The following CES5A variants were observed in gnomAD, a reference collection of about 807,000 sequenced individuals.
CES5A encodes carboxylesterase 5.
CES5A carries 67 observed loss-of-function variants against 62.9 expected under a neutral mutation model. The observed-to-expected ratio is 1.07, with a 90% CI of 0.88 to 1.31. The LOEUF (loss-of-function observed/expected upper bound fraction) is 1.31. CES5A is among the 50% of genes most tolerant of loss of function. The probability of loss-of-function intolerance (pLI) is 0.00; values close to 1 mark genes in which losing one functional copy is unlikely to be tolerated. For synonymous variants in CES5A, 296 were observed against 280.8 expected, an observed-to-expected ratio of 1.05 and a Z score of -0.54; for missense variants, 748 against 708.5, an observed-to-expected ratio of 1.06 and a Z score of -0.63.
At chr16:55,872,725 G>A (rs1242185039) in intron 2 of CES5A, among the ~76,000 whole-genome samples, 1 of 152,136 alleles carries the variant, frequency 6.6e-6, no homozygotes, top group Admixed American at 6.6e-5. Flanking sequence ...TTTCAGCAAA[G>A]CCGTCTCTGA....
At chr16:55,871,107 C>T (rs1208352148) in intron 3 of CES5A, among the ~76,000 whole-genome samples, 3 of 152,200 alleles carry the variant, frequency 2.0e-5, no homozygotes, top group Admixed American at 2.0e-4. Context: ...TGATACAAGA[C>T]AGCCAGTTTC....
chr16:55,895,371 C>T (rs531442417), intron 1 of CES5A, among the ~76,000 whole-genome samples: 6 of 152,322 alleles, frequency 3.9e-5, no homozygotes, highest in South Asian at 2.1e-4. Context: ...AGCAAATCCA[C>T]GGGGGGCAGT....
At chr16:55,905,696 C>T (rs1480684318) in intron 1 of CES5A, among the ~76,000 whole-genome samples, 1 of 152,092 alleles carries the variant, frequency 6.6e-6, no homozygotes, top group Non-Finnish European at 1.5e-5. Context: ...TCCTCCCACG[C>T]CCAGAGCAAG....
chr16:55,851,573 A>G (rs2033134111), intron 10 of CES5A, among the ~76,000 whole-genome samples: 1 of 152,230 alleles, frequency 6.6e-6, no homozygotes, highest in African/African-American at 2.4e-5. Context: ...GTGCAGACAC[A>G]GTGGAGAACA....
At chr16:55,900,914 C>T (rs1305604812) in intron 1 of CES5A, among the ~76,000 whole-genome samples, 2 of 152,158 alleles carry the variant, frequency 1.3e-5, no homozygotes, top group Non-Finnish European at 1.5e-5. Flanking sequence ...CATCCCACAT[C>T]CTCACTGTGT....
At chr16:55,898,947 A>T (rs989428098) in intron 1 of CES5A, among the ~76,000 whole-genome samples, 1 of 152,198 alleles carries the variant, frequency 6.6e-6, no homozygotes, top group East Asian at 1.9e-4. Flanking sequence ...TACATTCTGT[A>T]GATGAGGAAG....
At chr16:55,895,652 G>A (rs1411119069) in intron 1 of CES5A, among the ~76,000 whole-genome samples, 2 of 152,186 alleles carry the variant, frequency 1.3e-5, no homozygotes, top group East Asian at 1.9e-4. Context: ...CAAGCTCATA[G>A]CTGGACTTTG....
chr16:55,897,067 C>A (rs985031611), intron 1 of CES5A, among the ~76,000 whole-genome samples: 1 of 152,034 alleles, frequency 6.6e-6, no homozygotes, highest in Non-Finnish European at 1.5e-5. Context: ...CGCATCCCCC[C>A]CATCCTCTAC....
chr16:55,932,647 G>C (rs1348660010), intron 2 of CES5A, among the ~76,000 whole-genome samples: 4 of 152,174 alleles, frequency 2.6e-5, no homozygotes, highest in Admixed American at 2.0e-4. Context: ...CTGAAGGATA[G>C]GAAGGAGCCA....
At chr16:55,888,690 T>C (rs924412147) in intron 1 of CES5A, among the ~76,000 whole-genome samples, 1 of 152,244 alleles carries the variant, frequency 6.6e-6, no homozygotes, top group African/African-American at 2.4e-5. Flanking sequence ...TGTCAGTCAC[T>C]GTGCTAAGCA....
At chr16:55,936,238 C>T (rs1449388428) in intron 2 of CES5A, among the ~76,000 whole-genome samples, 1 of 152,166 alleles carries the variant, frequency 6.6e-6, no homozygotes, top group Non-Finnish European at 1.5e-5. Flanking sequence ...ACTTTCCATG[C>T]CTCAAAGAAT....
At chr16:55,898,797 G>A (rs181370322) in intron 1 of CES5A, among the ~76,000 whole-genome samples, 39 of 152,248 alleles carry the variant, frequency 2.6e-4, no homozygotes, top group Middle Eastern at 3.4e-3. Context: ...GGAAGACCAG[G>A]GCATGGTGGT....
At chr16:55,899,550 G>C (rs918289795) in intron 1 of CES5A, among the ~76,000 whole-genome samples, 2 of 152,224 alleles carry the variant, frequency 1.3e-5, no homozygotes, top group African/African-American at 4.8e-5. Context: ...TTCATCAGAA[G>C]AGCCTCTGGT....
chr16:55,926,603 C>T (rs1273675123), upstream of CES5A, among the ~76,000 whole-genome samples: 1 of 152,028 alleles, frequency 6.6e-6, no homozygotes, highest in Non-Finnish European at 1.5e-5. Flanking sequence ...AGGTGAATGC[C>T]TAATGGTTTC....
upstream of CES5A, among the ~76,000 whole-genome samples, chr16:55,879,213 G>A (rs1191939848): frequency 7.4e-6 from 1 of 136,040 alleles, no homozygotes; most frequent in Admixed American, 7.4e-5. Flanking sequence ...GTCCATTGCT[G>A]CACTCCATCA....
At chr16:55,936,112 T>C (rs1413250562) in intron 2 of CES5A, among the ~76,000 whole-genome samples, 2 of 152,138 alleles carry the variant, frequency 1.3e-5, no homozygotes, top group African/African-American at 4.8e-5. Flanking sequence ...GCTTCAACTC[T>C]CACTCCTCCT....
intron 1 of CES5A, among the ~76,000 whole-genome samples, chr16:55,891,005 C>T (rs188892089): frequency 2.0e-5 from 3 of 152,142 alleles, no homozygotes; most frequent in Admixed American, 2.0e-4. Flanking sequence ...ATTCCGATTA[C>T]CTGCTCCACC....
chr16:55,910,284 A>G (rs1396177964), intron 1 of CES5A, among the ~76,000 whole-genome samples: 1 of 152,174 alleles, frequency 6.6e-6, no homozygotes, highest in Non-Finnish European at 1.5e-5. Flanking sequence ...AAGCCAAGGT[A>G]GCTGCTTACC....
intron 1 of CES5A, among the ~76,000 whole-genome samples, chr16:55,897,999 A>C (rs1276437368): frequency 2.6e-5 from 4 of 152,230 alleles, no homozygotes; most frequent in Non-Finnish European, 5.9e-5. Flanking sequence ...TAAGTCCCAG[A>C]ATGTAAAGTT....
Sources: gnomAD v4.1 joint callset for allele counts (sites outside exome capture counted in the v4.1 genomes callset) on GRCh38, gnomAD v4.1.1 for gene constraint, MANE v1.5 for transcripts, NCBI Gene and HGNC (gene_info 2026-07-23, HGNC 2026-07-21) for gene names.